Variants in SORT1 observed in about 807,000 individuals in gnomAD.
SORT1 encodes sortilin 1, also known as sortilin.
A neutral mutation model predicts 101.7 loss-of-function variants in SORT1; 39 were observed. The observed-to-expected ratio is 0.38, with a 90% CI of 0.30 to 0.50. SORT1 has a LOEUF of 0.50. Ranked by LOEUF, SORT1 falls within the 20% of genes least tolerant of loss-of-function variation. The pLI, the probability that SORT1 is intolerant of heterozygous loss-of-function variation, is 0.90. For synonymous variants in SORT1, 396 were observed against 393.7 expected (o/e 1.01, Z -0.07); for missense variants, 878 against 1,040.4 (o/e 0.84, Z 2.15).
intron 1 of SORT1, among the ~76,000 whole-genome samples, chr1:109,370,665 TTTC>T (rs1383353333): frequency 1.3e-5 from 2 of 152,196 alleles, no homozygotes; most frequent in Non-Finnish European, 2.9e-5. Context: ...ATTATGCTTT[TTTC>T]TTAAGACTTA....
At chr1:109,372,634 A>G (rs530005165) in intron 1 of SORT1, among the ~76,000 whole-genome samples, 1 of 152,206 alleles carries the variant, frequency 6.6e-6, no homozygotes, top group Admixed American at 6.5e-5. Context: ...AAAACACAGA[A>G]TGGGCCGGGC....
chr1:109,351,130 C>A, intron 5 of SORT1, 128 bp from the exon 6 acceptor site: 1 of 732,948 alleles, frequency 1.4e-6, no homozygotes, highest in South Asian at 1.5e-5. Context: ...ATCAGAGCTG[C>A]CCGAGCTCCA....
intron 3 of SORT1, among the ~76,000 whole-genome samples, chr1:109,358,828 G>A (rs1557808728): frequency 6.6e-6 from 1 of 151,156 alleles, no homozygotes; most frequent in Non-Finnish European, 1.5e-5. Context: ...ACTGCAGCCT[G>A]GGCGACAGAG....
rs1023470320 is a variant in SORT1 at position 109,355,576 on chromosome 1, C to A, written c.441-107G>T. ...TTTCCACCAATCATGCTGAGAGACT[C>A]GGCTCACCCTGAATAGCCACATTCC... On this transcript the variant is annotated intron_variant, in intron 3 of 19. Coordinates refer to ENST00000256637, the MANE Select transcript of SORT1 (RefSeq NM_002959.7). 6.5e-6 allele frequency: 4 copies of A among 617,488 alleles called. No individual in the cohort carries two copies. The East Asian group carries it at 1.2e-4, about 19-fold the overall frequency. 38.3% of individuals were successfully genotyped at this position (617,488 alleles called of 1,614,324 possible).
At chr1:109,323,329 C>G (rs530434653) in intron 14 of SORT1, among the ~76,000 whole-genome samples, 2 of 152,356 alleles carry the variant, frequency 1.3e-5, no homozygotes, top group East Asian at 3.9e-4. Context: ...AGTATTCCTT[C>G]CATCTCAACA....
At chr1:109,388,521 G>A (rs981043165) in intron 1 of SORT1, among the ~76,000 whole-genome samples, 3 of 152,184 alleles carry the variant, frequency 2.0e-5, no homozygotes, top group African/African-American at 7.2e-5. Context: ...GATTATAGGT[G>A]TGAGTCACCC....
intron 16 of SORT1, among the ~76,000 whole-genome samples, chr1:109,317,226 A>C (rs1647278188): frequency 6.6e-6 from 1 of 152,138 alleles, no homozygotes; most frequent in Non-Finnish European, 1.5e-5. Context: ...ATCTGACCCC[A>C]AAAAAGCTCA....
intron 1 of SORT1, among the ~76,000 whole-genome samples, chr1:109,391,282 C>T (rs1336925028): frequency 1.3e-5 from 2 of 152,088 alleles, no homozygotes; most frequent in African/African-American, 4.8e-5. Context: ...GGTAGTAAAA[C>T]ACCCCTAAAT....
In SORT1 at chr1:109,324,841, T is replaced by C. The variant is rs138374628; in HGVS notation, c.1834+58A>G. On this transcript the variant is annotated intron_variant, in intron 14 of 19. Transcript: ENST00000256637. Reference sequence around the variant, plus strand: ...GCTAAAAGAAATTAAACCATATTGATTATTTAGGAAAATGGACTTGGAAGT... The same window carrying C: ...GCTAAAAGAAATTAAACCATATTGACTATTTAGGAAAATGGACTTGGAAGT... 32 of 1,164,806 alleles carry C rather than the reference T, an allele frequency of 2.7e-5. 1 individual carries two copies. The East Asian group carries it at 6.2e-4, about 22-fold the overall frequency. 72.2% of individuals were successfully genotyped at this position (1,164,806 alleles called of 1,614,324 possible).
chr1:109,386,135 G>T (rs1472823186), intron 1 of SORT1, among the ~76,000 whole-genome samples: 2 of 152,202 alleles, frequency 1.3e-5, no homozygotes, highest in African/African-American at 4.8e-5. Context: ...TAAGTAATTT[G>T]CTCAAAGTCA....
chr1:109,351,443 A>C (rs987227309), intron 5 of SORT1, among the ~76,000 whole-genome samples: 3 of 152,224 alleles, frequency 2.0e-5, no homozygotes, highest in Admixed American at 2.0e-4. Context: ...GTTTTAAATG[A>C]TGAGCAGTGG....
chr1:109,313,338 C>T lies in SORT1; in HGVS notation c.*705G>A, dbSNP rs879107534. ...TCCTGCCCCAAGTTAAAAATATTGCCCTGTAAGTTTTCCTGATGTACTGTG... is the reference window on the plus strand; with the variant it reads ...TCCTGCCCCAAGTTAAAAATATTGCTCTGTAAGTTTTCCTGATGTACTGTG... On this transcript the variant is annotated 3_prime_UTR_variant, in exon 20 of 20. Transcript: ENST00000256637. The T allele has an allele frequency of 1.3e-5, 2 of 152,764 alleles. No homozygotes were observed. Among genetic ancestry groups the T allele is most frequent in the Admixed American group, 1.3e-4 (2 of 15,290 alleles). 9.5% of individuals were successfully genotyped at this position (152,764 alleles called of 1,614,324 possible).
At position 109,372,814 on chromosome 1, in the gene SORT1, G is replaced by T. The variant is rs575592296; in HGVS notation, c.307-3225C>A. On this transcript the variant is annotated intron_variant, in intron 1 of 19. Transcript: ENST00000256637. ...CTCCGGAGGCTGAGGCAGGAGAATG[G>T]CGTGAACCTGGGAGGCGGAGCTTGC... 4.6e-5 allele frequency among the ~76,000 whole-genome samples: 7 copies of T among 151,774 alleles called. No individual in the cohort carries two copies. In the East Asian group the frequency reaches 1.4e-3, roughly 30 times the overall value.
At chr1:109,384,697 G>A (rs764023419) in intron 1 of SORT1, among the ~76,000 whole-genome samples, 63 of 152,302 alleles carry the variant, frequency 4.1e-4, no homozygotes, top group Middle Eastern at 3.4e-3. Context: ...CAGTTCTGGA[G>A]GCTGTGAAGT....
At chr1:109,317,818 C>A in intron 16 of SORT1, 35 bp downstream of exon 16, 1 of 1,301,758 alleles carries the variant, frequency 7.7e-7, no homozygotes, top group Non-Finnish European at 1.1e-6. Context: ...AAGAACACCT[C>A]ATCCATCGTG....
At chr1:109,361,820 G>C (rs1650740446) in intron 3 of SORT1, among the ~76,000 whole-genome samples, 1 of 152,088 alleles carries the variant, frequency 6.6e-6, no homozygotes, top group Non-Finnish European at 1.5e-5. Flanking sequence ...GACATTCATA[G>C]AGCAGCAAAA....
intron 2 of SORT1, among the ~76,000 whole-genome samples, chr1:109,369,183 A>G (rs1467795591): frequency 3.9e-5 from 6 of 152,130 alleles, no homozygotes; most frequent in South Asian, 2.1e-4. Flanking sequence ...TCAGCTGTGC[A>G]TGGTGGTGGG....
chr1:109,397,567 C>G lies in SORT1; in HGVS notation c.306+20G>C. The G allele has an allele frequency of 8.5e-7, 1 of 1,173,628 alleles. No homozygotes were observed. Among genetic ancestry groups the G allele is most frequent in the Non-Finnish European group, 1.1e-6 (1 of 948,258 alleles). 72.7% of individuals were successfully genotyped at this position (1,173,628 alleles called of 1,614,324 possible). A position where few individuals can be genotyped will look rare whatever the true frequency, so the allele number is the denominator to read the frequency against. ...CGGCACCTCGCACCCGAGCGGCTCC[C>G]GGGCCCGGCGCCCGCTCACCTGGTG... On this transcript the variant is annotated intron_variant, in intron 1 of 19. Transcript: ENST00000256637.
chr1:109,333,248 T>C (rs182946782), intron 11 of SORT1, among the ~76,000 whole-genome samples: 1 of 152,218 alleles, frequency 6.6e-6, no homozygotes, highest in Admixed American at 6.5e-5. Context: ...TCATGTCATG[T>C]ACAAAAATCA....
Sources: gnomAD v4.1 joint callset for allele counts (sites outside exome capture counted in the v4.1 genomes callset) on GRCh38, gnomAD v4.1.1 for gene constraint, MANE v1.5 for transcripts, NCBI Gene and HGNC (gene_info 2026-07-23, HGNC 2026-07-21) for gene names.